The following UNC93B1 variants were observed in gnomAD, a reference collection of about 807,000 sequenced individuals.
The protein encoded by UNC93B1 is unc-93B1 regulator of TLR signaling.
Under a neutral mutation model 56.8 loss-of-function variants are expected in UNC93B1, and 33 were observed. The observed-to-expected ratio is 0.58, with a 90% CI of 0.44 to 0.78. UNC93B1 has a LOEUF of 0.78. Ranked by LOEUF, UNC93B1 falls within the 30% of genes least tolerant of loss-of-function variation. The pLI is 0.00. For missense variants in UNC93B1, 673 were observed against 819.5 expected (o/e 0.82, Z 2.18); for synonymous variants, 334 against 358.6 (o/e 0.93, Z 0.77).
chr11:67,997,494 C>T, intron 7 of UNC93B1, 181 bp downstream of exon 7: 1 of 1,095,678 alleles, frequency 9.1e-7, no homozygotes, highest in Non-Finnish European at 1.3e-6. Context: ...GAGCCTCATG[C>T]CCGCTCTGCA....
At position 67,996,739 on chromosome 11, in the gene UNC93B1, C is replaced by G; in HGVS notation, c.952G>C (p.Asp318His). Residue 318 changes from aspartate (D) to histidine (H), a missense_variant, in exon 8 of 11, where the codon GAT becomes CAT. Coordinates refer to ENST00000227471, the MANE Select transcript of UNC93B1 (RefSeq NM_030930.4). ...TTGCCCCAGCCCACGCTGCGCAGATCGATCTCCTCCGTGGGCCGGTAAGCG... is the reference window on the plus strand; with the variant it reads ...TTGCCCCAGCCCACGCTGCGCAGATGGATCTCCTCCGTGGGCCGGTAAGCG... ...GAAYRPTEEI[D>H]LRSVGWGNIF... is the part of the protein sequence containing the mutation. The G allele has an allele frequency of 6.4e-7, 1 of 1,560,134 alleles. No homozygotes were observed. Among genetic ancestry groups the G allele is most frequent in the Non-Finnish European group, 8.7e-7 (1 of 1,151,882 alleles).
intron 3 of UNC93B1, among the ~76,000 whole-genome samples, chr11:68,002,307 T>C (rs1415454096): frequency 6.6e-6 from 1 of 152,180 alleles, no homozygotes; most frequent in African/African-American, 2.4e-5. Flanking sequence ...GCCGATTTCC[T>C]GGAGGGCTTA....
At chr11:68,002,588 C>G (rs1857064821) in intron 3 of UNC93B1, among the ~76,000 whole-genome samples, 1 of 152,176 alleles carries the variant, frequency 6.6e-6, no homozygotes, top group African/African-American at 2.4e-5. Flanking sequence ...ACCTGCCCAG[C>G]CATGCCTGTC....
At chr11:67,996,906 AC>A in intron 7 of UNC93B1, 122 bp from the exon 8 acceptor site, 1 of 1,202,570 alleles carries the variant, frequency 8.3e-7, no homozygotes, top group Non-Finnish European at 1.1e-6. Context: ...CGCCTCCCAA[AC>A]CAGGGCCCCG....
Position 68,004,017 on chromosome 11 carries a change from C to A in UNC93B1, c.27G>T (p.Pro9=). ...CCTGCGGCCCCGCAGCCCCCGCCATCGGGTAGAGCGGCGGCTCCGCCTCCA... is the reference window on the plus strand; with the variant it reads ...CCTGCGGCCCCGCAGCCCCCGCCATAGGGTAGAGCGGCGGCTCCGCCTCCA... MEAEPPLY[P]MAGAAGPQGD... The change falls in exon 1 of 11, where the codon CCG becomes CCT. Residue 9 remains proline, a synonymous_variant. Coordinates refer to ENST00000227471, the MANE Select transcript of UNC93B1 (RefSeq NM_030930.4). The A allele has an allele frequency of 2.1e-6, 3 of 1,401,220 alleles. No homozygotes were observed. Among genetic ancestry groups the A allele is most frequent in the South Asian group, 1.5e-5 (1 of 66,732 alleles). 86.8% of individuals were successfully genotyped at this position (1,401,220 alleles called of 1,614,324 possible). A position where few individuals can be genotyped will look rare whatever the true frequency, so the allele number is the denominator to read the frequency against.
In UNC93B1 at chr11:67,997,707, G is replaced by A; in HGVS notation, c.874C>T (p.Leu292Phe). The change falls in exon 7 of 11, where the codon CTC (leucine) becomes TTC (phenylalanine). Residue 292 changes from leucine to phenylalanine, a missense_variant. Physicochemically the swap from Leu to Phe is conservative, Grantham distance 22. Transcript: ENST00000227471. ...SGNLIVVESV[L>F]MAVAFLAMLL... ...ATGGCCAGGAAGGCCACTGCCATGA[G>A]CACGCTCTCCACCACAATGAGGTTT... The A allele has an allele frequency of 1.2e-6, 2 of 1,607,816 alleles. No homozygotes were observed.
In UNC93B1 at chr11:67,991,237, G is replaced by C. The variant is rs1238701380; in HGVS notation, c.*309C>G. 3 of 308,990 alleles carry C rather than the reference G, an allele frequency of 9.7e-6. No individual in the cohort carries two copies. Among genetic ancestry groups the C allele is most frequent in the African/African-American group, 6.5e-5 (3 of 46,146 alleles). 19.1% of individuals were successfully genotyped at this position (308,990 alleles called of 1,614,324 possible). On this transcript the variant is annotated 3_prime_UTR_variant, in exon 11 of 11. Transcript: ENST00000227471. ...GCCGAGAGCTGTGGGGATCTGGAGC[G>C]GGCCGGGTCGCAAGAAGACCCTGAC...
chr11:67,997,584 A>G, intron 7 of UNC93B1, 91 bp downstream of exon 7: 1 of 1,575,404 alleles, frequency 6.3e-7, no homozygotes. Flanking sequence ...GACCCAGGCC[A>G]TGCCATCCGA....
chr11:67,996,123 T>G (rs1590760407), intron 8 of UNC93B1: 2 of 221,688 alleles, frequency 9.0e-6, no homozygotes, highest in African/African-American at 2.4e-5. Context: ...CGCGGGGGGG[T>G]GCCTTACCCC....
chr11:67,996,368 G>C (rs1336694788), intron 8 of UNC93B1, among the ~76,000 whole-genome samples: 1 of 152,056 alleles, frequency 6.6e-6, no homozygotes, highest in Non-Finnish European at 1.5e-5. Context: ...ACCCCACAAG[G>C]AACTAAACAC....
Position 67,991,789 on chromosome 11 carries a change from C to T in UNC93B1, c.1551G>A (p.Lys517=), listed in dbSNP as rs1856848175. The T allele has an allele frequency of 6.5e-7, 1 of 1,545,838 alleles. No homozygotes were observed. Among genetic ancestry groups the T allele is most frequent in the Non-Finnish European group, 8.7e-7 (1 of 1,154,058 alleles). The part of the protein sequence containing the change: ...AAVSYLRMEQ[K]LRRGVAPRQP... ...GGCGCGGGGCCACGCCCCGGCGCAG[C>T]TTCTGCTCCATCCGCAGGTAGGAGA... The change falls in exon 11 of 11, where the codon AAG becomes AAA. Residue 517 remains lysine, a synonymous_variant. Transcript: ENST00000227471.
intron 5 of UNC93B1, 126 bp from the exon 6 acceptor site, chr11:67,998,578 G>A (rs1363916611): frequency 1.1e-6 from 1 of 943,464 alleles, no homozygotes; most frequent in Non-Finnish European, 1.6e-6. Flanking sequence ...TCTGGGAGTA[G>A]TGTGGTTACA....
chr11:67,991,350 G>T lies in UNC93B1; in HGVS notation c.*196C>A, dbSNP rs1347297551. On this transcript the variant is annotated 3_prime_UTR_variant, in exon 11 of 11. Coordinates refer to ENST00000227471, the MANE Select transcript of UNC93B1 (RefSeq NM_030930.4). Reference sequence around the variant, plus strand: ...CTGTGCTTGGCCGAGGGGTTCCCAAGGCTCCACTCCGCCTTGGAGGGGGCT... The same window carrying T: ...CTGTGCTTGGCCGAGGGGTTCCCAATGCTCCACTCCGCCTTGGAGGGGGCT... 5.5e-5 allele frequency: 28 copies of T among 511,916 alleles called. No individual in the cohort carries two copies. The highest frequency in any genetic ancestry group is 1.3e-4 in the Admixed American group (3 of 23,300). The allele number at this position is 511,916 out of a possible 1,614,324, so 31.7% of individuals were successfully genotyped here. A position where few individuals can be genotyped will look rare whatever the true frequency, so the allele number is the denominator to read the frequency against.
At position 68,003,653 on chromosome 11, in the gene UNC93B1, C is replaced by A. The variant is rs1324720845; in HGVS notation, c.238+4G>T. The A allele has an allele frequency of 6.6e-6, 10 of 1,522,282 alleles. No individual in the cohort carries two copies. Among genetic ancestry groups the A allele is most frequent in the Non-Finnish European group, 7.9e-6 (9 of 1,140,782 alleles). The allele number at this position is 1,522,282 out of a possible 1,614,324, so 94.3% of individuals were successfully genotyped here. A position where few individuals can be genotyped will look rare whatever the true frequency, so the allele number is the denominator to read the frequency against. ...GCGGCCCCGGGTCCCCGAGCGGCAC[C>A]TACCCAGGTAGACGCCGTAGGTGAG... is the stretch of plus-strand genomic sequence containing the variant. On this transcript the variant is annotated splice_donor_region_variant and intron_variant, in intron 2 of 10. Coordinates refer to ENST00000227471, the MANE Select transcript of UNC93B1 (RefSeq NM_030930.4). This position sits in a 1 kb window ranked among gnomAD's most constrained non-coding sequence, Gnocchi z 4.4.
chr11:68,003,431 A>C lies in UNC93B1; in HGVS notation c.238+226T>G. ...TCTGACGGTGGCAGGTCTGTCCGGG[A>C]GCCCGGACCCCCGTCCCCCACCCAC... is the stretch of plus-strand genomic sequence containing the variant. On this transcript the variant is annotated intron_variant, in intron 2 of 10. Coordinates refer to ENST00000227471, the MANE Select transcript of UNC93B1 (RefSeq NM_030930.4). This position sits in a 1 kb window ranked among gnomAD's most constrained non-coding sequence, Gnocchi z 4.4. 1.2e-6 allele frequency: 1 copy of C among 813,900 alleles called. No individual in the cohort carries two copies. Among genetic ancestry groups the C allele is most frequent in the Non-Finnish European group, 1.8e-6 (1 of 551,382 alleles). 50.4% of individuals were successfully genotyped at this position (813,900 alleles called of 1,614,324 possible).
Position 67,991,458 on chromosome 11 carries a change from C to T in UNC93B1, c.*88G>A, listed in dbSNP as rs1856838100. On this transcript the variant is annotated 3_prime_UTR_variant, in exon 11 of 11. Transcript: ENST00000227471. ...GAGACAGGGGCCTTTGAAGACAGCG[C>T]GGGACTCGGAGGGGGTCCCCCCGAC... The T allele has an allele frequency of 2.4e-6, 3 of 1,273,376 alleles. No homozygotes were observed. The highest frequency in any genetic ancestry group is 3.1e-5 in the East Asian group (1 of 32,752). 78.9% of individuals were successfully genotyped at this position (1,273,376 alleles called of 1,614,324 possible). A position where few individuals can be genotyped will look rare whatever the true frequency, so the allele number is the denominator to read the frequency against.
intron 10 of UNC93B1, 55 bp downstream of exon 10, chr11:67,993,621 G>A (rs1312823787): frequency 1.0e-5 from 10 of 972,056 alleles, no homozygotes; most frequent in African/African-American, 8.1e-5. Flanking sequence ...CCAGGGCAGG[G>A]GCTAAGGAAG....
At chr11:67,996,082 GAA>G (rs111778700) in intron 8 of UNC93B1, 198 bp from the exon 9 acceptor site, 3 of 376,840 alleles carry the variant, frequency 8.0e-6, no homozygotes, top group South Asian at 1.5e-4. Context: ...GAGTCGGGGG[GAA>G]AAGAGGGGTT....
chr11:67,992,102 G>A (rs563983122), intron 10 of UNC93B1, among the ~76,000 whole-genome samples: 3,568 of 152,282 alleles, frequency 0.023, 92 homozygotes, highest in African/African-American at 0.081. Context: ...ACTGTAAGGG[G>A]ACAATGCAAA....
Sources: allele counts gnomAD v4.1 joint callset (sites outside exome capture counted in the v4.1 genomes callset), GRCh38; gene constraint gnomAD v4.1.1; non-coding constraint Gnocchi (gnomAD v3.1); transcripts MANE v1.5; gene names NCBI Gene and HGNC (gene_info 2026-07-23, HGNC 2026-07-21).